NTN1: variants seen among roughly 807,000 people sequenced by gnomAD.
NTN1 encodes netrin 1, also known as netrin-1.
NTN1 carries 11 observed loss-of-function variants against 54.2 expected under a neutral mutation model. The observed-to-expected ratio is 0.20, with a 90% CI of 0.13 to 0.34. The LOEUF is 0.34. Among genes scored for constraint, NTN1 ranks in the 10% least tolerant of loss-of-function variants. The pLI, the probability that NTN1 is intolerant of heterozygous loss-of-function variation, is 1.00. For missense variants in NTN1, 740 were observed against 893.1 expected (o/e 0.83, Z 2.18); for synonymous variants, 371 against 382.0 (o/e 0.97, Z 0.33).
chr17:9,069,371 A>G (rs2092025738), intron 2 of NTN1, among the ~76,000 whole-genome samples: 1 of 152,190 alleles, frequency 6.6e-6, no homozygotes, highest in African/African-American at 2.4e-5. Flanking sequence ...GAATCAGTCT[A>G]ATTTCCACTT....
chr17:9,076,332 C>A (rs957594592), intron 2 of NTN1, among the ~76,000 whole-genome samples: 1 of 152,206 alleles, frequency 6.6e-6, no homozygotes, highest in Non-Finnish European at 1.5e-5. Flanking sequence ...AATGCCTGGA[C>A]ATGTCCCCTT....
At chr17:9,083,301 G>T (rs2142226082) in intron 2 of NTN1, among the ~76,000 whole-genome samples, 1 of 152,320 alleles carries the variant, frequency 6.6e-6, no homozygotes, top group South Asian at 2.1e-4. Flanking sequence ...TCACCATGTT[G>T]GCCAGGCTGG....
chr17:9,118,762 G>A (rs2092223135), intron 2 of NTN1, among the ~76,000 whole-genome samples: 1 of 152,040 alleles, frequency 6.6e-6, no homozygotes, highest in Non-Finnish European at 1.5e-5. Context: ...TTTTATGTGT[G>A]GCTTCTTTCC....
At chr17:9,138,641 C>T (rs570808979) in intron 2 of NTN1, among the ~76,000 whole-genome samples, 7 of 152,266 alleles carry the variant, frequency 4.6e-5, no homozygotes, top group African/African-American at 9.6e-5. Context: ...TGCTGACAGC[C>T]GCGTGCCGGG....
intron 2 of NTN1, among the ~76,000 whole-genome samples, chr17:9,112,883 C>A (rs59909634): frequency 0.052 from 7,831 of 151,114 alleles, 264 homozygotes; most frequent in Admixed American, 0.099. Context: ...TGCTGTCTAG[C>A]ATCCCCAAGC....
At chr17:9,031,384 T>A (rs1398728382) in intron 2 of NTN1, among the ~76,000 whole-genome samples, 1 of 152,184 alleles carries the variant, frequency 6.6e-6, no homozygotes, top group African/African-American at 2.4e-5. Context: ...GTACCACCAC[T>A]CCCGCATTCT....
At chr17:9,096,050 G>A (rs991824679) in intron 2 of NTN1, among the ~76,000 whole-genome samples, 3 of 152,080 alleles carry the variant, frequency 2.0e-5, no homozygotes, top group Admixed American at 2.0e-4. Flanking sequence ...GCCCACCTCG[G>A]CCTCCCAAAA....
chr17:9,083,585 G>A (rs997521339), intron 2 of NTN1, among the ~76,000 whole-genome samples: 1 of 152,212 alleles, frequency 6.6e-6, no homozygotes, highest in African/African-American at 2.4e-5. Context: ...CTCTTCTGTG[G>A]GGGATTCTGG....
At position 9,063,925 on chromosome 17, in the gene NTN1, A is replaced by G. The variant is rs1018018525; in HGVS notation, c.1018+40534A>G. 2.6e-5 allele frequency among the ~76,000 whole-genome samples: 4 copies of G among 152,094 alleles called. No homozygotes were observed. The East Asian group carries it at 7.7e-4, about 29-fold the overall frequency. ...CTGCTCATGAGAATGAGGGAAACCCATCTCATTCGCTTTTCCTTACTGGGT... is the reference window on the plus strand; with the variant it reads ...CTGCTCATGAGAATGAGGGAAACCCGTCTCATTCGCTTTTCCTTACTGGGT... On this transcript the variant is annotated intron_variant, in intron 2 of 6. Transcript: ENST00000173229.
At chr17:9,191,888 AAAAT>A (rs1904470929) in intron 5 of NTN1, among the ~76,000 whole-genome samples, 1 of 141,534 alleles carries the variant, frequency 7.1e-6, no homozygotes. Context: ...AAAAAAAAAA[AAAAT>A]CCAGGGGTGT....
At chr17:9,118,872 A>G (rs1459468700) in intron 2 of NTN1, among the ~76,000 whole-genome samples, 2 of 152,206 alleles carry the variant, frequency 1.3e-5, no homozygotes, top group Non-Finnish European at 2.9e-5. Flanking sequence ...TTGTAGAGAT[A>G]TATTGCATTT....
At chr17:9,166,534 G>T (rs905153410) in intron 3 of NTN1, among the ~76,000 whole-genome samples, 1 of 152,028 alleles carries the variant, frequency 6.6e-6, no homozygotes. Context: ...TAGATATGGG[G>T]TTTCATCATG....
intron 3 of NTN1, 66 bp downstream of exon 3, chr17:9,163,067 C>G (rs2092362737): frequency 6.8e-7 from 1 of 1,459,914 alleles, no homozygotes; most frequent in African/African-American, 1.4e-5. Flanking sequence ...CCCGCTCCCT[C>G]CTCGCTTCCT....
intron 3 of NTN1, among the ~76,000 whole-genome samples, chr17:9,172,358 T>C (rs1410230111): frequency 1.3e-5 from 2 of 152,044 alleles, no homozygotes; most frequent in Non-Finnish European, 2.9e-5. Flanking sequence ...TGGGTGCCTG[T>C]AGTCCCAGCT....
intron 6 of NTN1, among the ~76,000 whole-genome samples, chr17:9,224,469 A>G (rs1289094705): frequency 1.3e-5 from 2 of 152,086 alleles, no homozygotes; most frequent in African/African-American, 2.4e-5. Flanking sequence ...CGACTCCCTC[A>G]TGGGTTATCA....
intron 2 of NTN1, among the ~76,000 whole-genome samples, chr17:9,059,243 C>T (rs931126552): frequency 5.9e-5 from 9 of 152,108 alleles, no homozygotes; most frequent in East Asian, 5.8e-4. Flanking sequence ...GAGGAACTTA[C>T]GCAAATCCTC....
chr17:9,215,282 CACACACAT>C (rs1905194290), intron 5 of NTN1, among the ~76,000 whole-genome samples: 1 of 150,078 alleles, frequency 6.7e-6, no homozygotes, highest in East Asian at 1.9e-4. Flanking sequence ...CACACACACA[CACACACAT>C]ACACACATGG....
At chr17:9,223,590 G>T (rs2315286) in intron 6 of NTN1, among the ~76,000 whole-genome samples, 90,968 of 151,746 alleles carry the variant, frequency 0.6, 27,456 homozygotes, top group African/African-American at 0.66. Flanking sequence ...ATATGGCCCC[G>T]GAGCTGCAGG....
intron 6 of NTN1, among the ~76,000 whole-genome samples, chr17:9,225,829 T>C (rs1156436711): frequency 6.6e-6 from 1 of 152,182 alleles, no homozygotes; most frequent in Non-Finnish European, 1.5e-5. Flanking sequence ...CCCAGGGCAC[T>C]TGGATGTTCC....
Sources: gnomAD v4.1 joint callset for allele counts (sites outside exome capture counted in the v4.1 genomes callset) on GRCh38, gnomAD v4.1.1 for gene constraint, MANE v1.5 for transcripts, NCBI Gene and HGNC (gene_info 2026-07-23, HGNC 2026-07-21) for gene names.